Variants in NTPCR observed in about 807,000 individuals in gnomAD.
NTPCR encodes the protein nucleoside-triphosphatase, cancer-related, also known as cancer-related nucleoside-triphosphatase.
Under a neutral mutation model 19.5 loss-of-function variants are expected in NTPCR, and 15 were observed. That is an observed-to-expected ratio of 0.77 (90% CI 0.51 to 1.18). The LOEUF (loss-of-function observed/expected upper bound fraction) is 1.18, where lower values mean the gene tolerates loss of function less well. Among genes scored for constraint, NTPCR ranks in the 50% most tolerant of loss-of-function variants. The pLI, the probability that NTPCR is intolerant of heterozygous loss-of-function variation, is 0.00. For missense variants in NTPCR, 206 were observed against 240.4 expected, an observed-to-expected ratio of 0.86 and a Z score of 0.95; for synonymous variants, 90 against 95.8, an observed-to-expected ratio of 0.94 and a Z score of 0.36.
Position 232,955,664 on chromosome 1 carries a change from A to G in NTPCR, c.142A>G (p.Ile48Val). 1 of 1,613,888 alleles carries G rather than the reference A, an allele frequency of 6.2e-7. No homozygotes were observed. Among genetic ancestry groups the G allele is most frequent in the Non-Finnish European group, 8.5e-7 (1 of 1,179,956 alleles). Residue 48 changes from isoleucine (I) to valine (V), a missense_variant, in exon 2 of 5, where the codon ATA (isoleucine) becomes GTA (valine). Transcript: ENST00000366628. Reference sequence around the variant, plus strand: ...AGAAGTCAGACAGGGAGGGAGAAGAATAGGATTCGATGTCGTCACGTTGTC... The same window carrying G: ...AGAAGTCAGACAGGGAGGGAGAAGAGTAGGATTCGATGTCGTCACGTTGTC... ...TEEVRQGGRR[I>V]GFDVVTLSGT...
At chr1:232,956,217 C>T (rs892246091) in intron 2 of NTPCR, 130 bp from the exon 3 acceptor site, 26 of 685,224 alleles carry the variant, frequency 3.8e-5, no homozygotes, top group Admixed American at 1.8e-4. Flanking sequence ...TACAGACCAC[C>T]GCATTTTGTG....
At chr1:232,972,694 T>C (rs1558134094) in intron 4 of NTPCR, among the ~76,000 whole-genome samples, 1 of 152,206 alleles carries the variant, frequency 6.6e-6, no homozygotes, top group Admixed American at 6.5e-5. Flanking sequence ...CTCAAAGTGT[T>C]GGAATTATAG....
chr1:232,969,916 G>C lies in NTPCR; in HGVS notation c.302G>C (p.Cys101Ser), dbSNP rs1668925416. 3 of 1,613,952 alleles carry C rather than the reference G, an allele frequency of 1.9e-6. No individual in the cohort carries two copies. The highest frequency in any genetic ancestry group is 2.2e-5 in the South Asian group (2 of 91,034). The change falls in exon 4 of 5, where the codon TGC (cysteine) becomes TCC (serine). Residue 101 changes from cysteine (C) to serine (S), a missense_variant. Transcript: ENST00000366628. The part of the protein sequence containing the change: ...LALPVLRNAD[C>S]SSGPGQRVCV... The stretch of plus-strand genomic sequence containing the variant: ...AGTCTTTGTCATTCTCAGGCCGACT[G>C]CAGCAGTGGCCCAGGGCAAAGAGTG...
At position 232,955,614 on chromosome 1, in the gene NTPCR, T is replaced by C; in HGVS notation, c.92T>C (p.Val31Ala). ...KASEVLKSSGVPVDGFYTEEV... is the reference protein window; with the variant it reads ...KASEVLKSSGAPVDGFYTEEV... ...AGTGAGGTTTTAAAATCCTCTGGTGTGCCTGTTGATGGATTTTATACCGAA... is the reference window on the plus strand; with the variant it reads ...AGTGAGGTTTTAAAATCCTCTGGTGCGCCTGTTGATGGATTTTATACCGAA... Residue 31 changes from valine to alanine, a missense_variant, in exon 2 of 5, where the codon GTG becomes GCG. Coordinates refer to ENST00000366628, the MANE Select transcript of NTPCR (RefSeq NM_032324.3). 1.2e-6 allele frequency: 2 copies of C among 1,612,650 alleles called. No individual in the cohort carries two copies. Among genetic ancestry groups the C allele is most frequent in the Non-Finnish European group, 1.7e-6 (2 of 1,179,722 alleles).
At chr1:232,956,197 T>G in intron 2 of NTPCR, 150 bp from the exon 3 acceptor site, 1 of 639,502 alleles carries the variant, frequency 1.6e-6, no homozygotes, top group African/African-American at 1.8e-5. Context: ...AGAGAAAACC[T>G]GATCAGCTTT....
chr1:232,950,678 C>T lies in NTPCR; in HGVS notation c.-33C>T. 8 of 1,594,794 alleles carry T rather than the reference C, an allele frequency of 5.0e-6. No individual in the cohort carries two copies. The highest frequency in any genetic ancestry group is 6.9e-6 in the Non-Finnish European group (8 of 1,163,656). ...ATTGCGACCCCAACCTGGACTGCTC[C>T]CCTGACCGCAACCCCTACCCCCGCC... is the stretch of plus-strand genomic sequence containing the variant. On this transcript the variant is annotated 5_prime_UTR_variant, in exon 1 of 5. Coordinates refer to ENST00000366628, the MANE Select transcript of NTPCR (RefSeq NM_032324.3).
At chr1:232,959,289 A>T (rs151221090) in intron 3 of NTPCR, among the ~76,000 whole-genome samples, 102 of 152,278 alleles carry the variant, frequency 6.7e-4, no homozygotes, top group African/African-American at 2.3e-3. Context: ...TCCCGCCGCC[A>T]CGTGAAGAAT....
intron 3 of NTPCR, among the ~76,000 whole-genome samples, chr1:232,956,959 G>A (rs750130098): frequency 6.6e-6 from 1 of 152,006 alleles, no homozygotes; most frequent in Non-Finnish European, 1.5e-5. Context: ...AATTACCCTG[G>A]CTAGAACCTC....
In NTPCR at chr1:232,981,815, T is replaced by C. The variant is rs1046668258; in HGVS notation, c.*3584T>C. On this transcript the variant is annotated 3_prime_UTR_variant, in exon 5 of 5. Coordinates refer to ENST00000366628, the MANE Select transcript of NTPCR (RefSeq NM_032324.3). The stretch of plus-strand genomic sequence containing the variant: ...TCACTGTAACCTCCGCCTCCTGGGT[T>C]CAAGCGATTCTCCTGCCTCAACCTC... The C allele has an allele frequency of 6.6e-6, 1 of 151,126 alleles. No homozygotes were observed. The highest frequency in any genetic ancestry group is 1.5e-5 in the Non-Finnish European group (1 of 67,922). 9.4% of individuals were successfully genotyped at this position (151,126 alleles called of 1,614,324 possible). A position where few individuals can be genotyped will look rare whatever the true frequency, so the allele number is the denominator to read the frequency against.
chr1:232,972,868 G>C (rs182763623), intron 4 of NTPCR, among the ~76,000 whole-genome samples: 1 of 152,250 alleles, frequency 6.6e-6, no homozygotes, highest in Non-Finnish European at 1.5e-5. Flanking sequence ...CCATCGTTTA[G>C]GCACCTGTGA....
Position 232,981,169 on chromosome 1 carries a change from T to A in NTPCR, c.*2938T>A, listed in dbSNP as rs1312452229. On this transcript the variant is annotated 3_prime_UTR_variant, in exon 5 of 5. Transcript: ENST00000366628. Reference sequence around the variant, plus strand: ...AATAGTTTAATAAATTGTTTCTTCTTACCTCTCAGTGAGGGTAAGCACATG... The same window carrying A: ...AATAGTTTAATAAATTGTTTCTTCTAACCTCTCAGTGAGGGTAAGCACATG... 2 of 152,236 alleles carry A rather than the reference T, an allele frequency of 1.3e-5. No homozygotes were observed. Among genetic ancestry groups the A allele is most frequent in the South Asian group, 2.1e-4 (1 of 4,832 alleles). 9.4% of individuals were successfully genotyped at this position (152,236 alleles called of 1,614,324 possible).
chr1:232,977,257 C>T (rs1571971326), intron 4 of NTPCR: 1 of 153,010 alleles, frequency 6.5e-6, no homozygotes, highest in Admixed American at 6.5e-5. Context: ...TGCCTGCCCC[C>T]CAGACTCCTT....
intron 4 of NTPCR, 22 bp from the exon 5 acceptor site, chr1:232,978,141 G>C (rs200433099): frequency 2.0e-5 from 32 of 1,604,798 alleles, no homozygotes; most frequent in Middle Eastern, 1.6e-4. Context: ...TCTGAAGCCT[G>C]TTCTCTCACT....
chr1:232,956,254 A>G (rs949077986), intron 2 of NTPCR, 93 bp from the exon 3 acceptor site: 27 of 815,790 alleles, frequency 3.3e-5, no homozygotes, highest in Admixed American at 3.0e-4. Context: ...ATGATTTAGC[A>G]TATGTGGAAT....
rs954079714 is a variant in NTPCR, at chr1:232,976,336, C to T, written c.505-1827C>T. ...AATATACACTACCTTGTTATTTACT[C>T]TGTAGTCACCGTACTGTGTCATAGA... On this transcript the variant is annotated intron_variant, in intron 4 of 4. Transcript: ENST00000366628. The T allele has an allele frequency of 1.7e-5, 26 of 1,515,020 alleles. 1 individual carries two copies. The highest frequency in any genetic ancestry group is 7.4e-5 in the East Asian group (3 of 40,502). 93.8% of individuals were successfully genotyped at this position (1,515,020 alleles called of 1,614,324 possible). A position where few individuals can be genotyped will look rare whatever the true frequency, so the allele number is the denominator to read the frequency against.
intron 4 of NTPCR, among the ~76,000 whole-genome samples, chr1:232,977,829 C>T (rs1158691264): frequency 6.6e-6 from 1 of 152,190 alleles, no homozygotes; most frequent in Non-Finnish European, 1.5e-5. Context: ...CCATTCAGGA[C>T]AGGTCGTGCT....
Position 232,955,636 on chromosome 1 carries a change from C to T in NTPCR, c.114C>T (p.Thr38=), listed in dbSNP as rs748694066. The change falls in exon 2 of 5, where the codon ACC becomes ACT. Residue 38 remains threonine (T), a synonymous_variant. Transcript: ENST00000366628. The part of the protein sequence containing the change: ...SSGVPVDGFY[T]EEVRQGGRRI... ...GTGTGCCTGTTGATGGATTTTATAC[C>T]GAAGAAGTCAGACAGGGAGGGAGAA... 2.5e-5 allele frequency: 40 copies of T among 1,612,632 alleles called. No individual in the cohort carries two copies. Among genetic ancestry groups the T allele is most frequent in the East Asian group, 4.5e-5 (2 of 44,824 alleles).
chr1:232,980,596 G>T lies in NTPCR; in HGVS notation c.*2365G>T, dbSNP rs1371426051. ...AGAATGATCATGGAGCATGTATGGA[G>T]ATGTCAGATGCAATCCCTGTATTGT... On this transcript the variant is annotated 3_prime_UTR_variant, in exon 5 of 5. Transcript: ENST00000366628. 6.6e-6 allele frequency: 1 copy of T among 152,222 alleles called. No homozygotes were observed. Among genetic ancestry groups the T allele is most frequent in the Non-Finnish European group, 1.5e-5 (1 of 68,040 alleles). The allele number at this position is 152,222 out of a possible 1,614,324, so 9.4% of individuals were successfully genotyped here. A position where few individuals can be genotyped will look rare whatever the true frequency, so the allele number is the denominator to read the frequency against.
In NTPCR at chr1:232,960,213, CAAAAAAAAAAAAA is replaced by C. The variant is rs755184503; in HGVS notation, c.294+3783_294+3795del. Among the ~76,000 whole-genome samples the C allele has an allele frequency of 1.8e-4, 5 of 27,488 alleles. No individual in the cohort carries two copies. The Admixed American group carries it at 2.4e-3, about 13-fold the overall frequency. The allele number at this position is 27,488 out of a possible 152,430, so 18.0% of individuals were successfully genotyped here. ...TGGGTGACAGAGCAAGACTCCATCT[CAAAAAAAAAAAAA>C]AAAAAAAAAAAAGTGGCCGGGAGCT... On this transcript the variant is annotated intron_variant, in intron 3 of 4. Transcript: ENST00000366628.
Sources: allele counts gnomAD v4.1 joint callset (sites outside exome capture counted in the v4.1 genomes callset), GRCh38; gene constraint gnomAD v4.1.1; transcripts MANE v1.5; gene names NCBI Gene and HGNC (gene_info 2026-07-23, HGNC 2026-07-21).